Variants in PRKAA1 observed in about 807,000 individuals in gnomAD.
The protein encoded by PRKAA1 is protein kinase AMP-activated catalytic subunit alpha 1, also known as 5'-AMP-activated protein kinase catalytic subunit alpha-1.
In PRKAA1, 23 loss-of-function variants were observed where a neutral mutation model predicts 56.9. That is an observed-to-expected ratio of 0.40 (90% CI 0.29 to 0.57). The LOEUF (loss-of-function observed/expected upper bound fraction) is 0.57, where lower values mean the gene tolerates loss of function less well. Among genes scored for constraint, PRKAA1 ranks in the 20% least tolerant of loss-of-function variants. PRKAA1 has a pLI of 0.39. For synonymous variants in PRKAA1, 226 were observed against 227.0 expected (o/e 1.00, Z 0.04); for missense variants, 413 against 679.7 (o/e 0.61, Z 4.36).
rs1305431342 is a variant in PRKAA1 at position 40,774,569 on chromosome 5, T to G, written c.363+841A>C. Among the ~76,000 whole-genome samples the G allele has an allele frequency of 5.3e-5, 8 of 150,116 alleles. No individual in the cohort carries two copies. The South Asian group carries it at 8.4e-4, about 16-fold the overall frequency. On this transcript the variant is annotated intron_variant, in intron 3 of 8. Coordinates refer to ENST00000397128, the MANE Select transcript of PRKAA1 (RefSeq NM_006251.6). The stretch of plus-strand genomic sequence containing the variant: ...GCAGAATTTTTTTTTTTTTTTTTTT[T>G]TTGGTAAGGAGAAGCAGGAGTAAAG...
At chr5:40,797,967 A>T (rs1745015771) in intron 1 of PRKAA1, 96 bp downstream of exon 1, 1 of 1,518,970 alleles carries the variant, frequency 6.6e-7, no homozygotes. Context: ...CCTGGAAAGA[A>T]GGGACGCAGC....
chr5:40,762,720 T>G lies in PRKAA1; in HGVS notation c.*58A>C, dbSNP rs1388341553. On this transcript the variant is annotated 3_prime_UTR_variant, in exon 9 of 9. Transcript: ENST00000397128. ...TAACTTGATTACAAATGGAAGCATT[T>G]GGCTGTGACTTATTATGCATGCTTA... 34 of 1,588,990 alleles carry G rather than the reference T, an allele frequency of 2.1e-5. No individual in the cohort carries two copies. Among genetic ancestry groups the G allele is most frequent in the Non-Finnish European group, 2.8e-5 (33 of 1,164,330 alleles).
chr5:40,762,594 T>A lies in PRKAA1; in HGVS notation c.*184A>T. ...TACTGCACAATGAACAACAAAATGA[T>A]CTTAATTCATTTCTGCATATTAGGC... On this transcript the variant is annotated 3_prime_UTR_variant, in exon 9 of 9. Coordinates refer to ENST00000397128, the MANE Select transcript of PRKAA1 (RefSeq NM_006251.6). 1 of 690,814 alleles carries A rather than the reference T, an allele frequency of 1.4e-6. No homozygotes were observed. The allele number at this position is 690,814 out of a possible 1,614,324, so 42.8% of individuals were successfully genotyped here. A position where few individuals can be genotyped will look rare whatever the true frequency, so the allele number is the denominator to read the frequency against.
At chr5:40,785,756 T>A (rs1744441280) in intron 1 of PRKAA1, among the ~76,000 whole-genome samples, 1 of 151,798 alleles carries the variant, frequency 6.6e-6, no homozygotes, top group African/African-American at 2.4e-5. Context: ...GATTTGAAGA[T>A]GAAATCTTAC....
chr5:40,780,393 G>A (rs1184609499), intron 1 of PRKAA1, among the ~76,000 whole-genome samples: 1 of 152,134 alleles, frequency 6.6e-6, no homozygotes, highest in African/African-American at 2.4e-5. Context: ...TACCAAATCC[G>A]TATTAGTCAG....
chr5:40,790,765 C>A (rs1744687374), intron 1 of PRKAA1, among the ~76,000 whole-genome samples: 2 of 152,202 alleles, frequency 1.3e-5, no homozygotes, highest in African/African-American at 4.8e-5. Flanking sequence ...GTCTCAATAT[C>A]TTGAGCTCGT....
Position 40,769,470 on chromosome 5 carries a change from A to T in PRKAA1, c.542T>A (p.Leu181Ter). 1 of 1,611,280 alleles carries T rather than the reference A, an allele frequency of 6.2e-7. No homozygotes were observed. The highest frequency in any genetic ancestry group is 8.5e-7 in the Non-Finnish European group (1 of 1,178,400). Reference protein sequence around the residue: ...LSNMMSDGEFLRTSCGSPNYA... With the variant: ...LSNMMSDGEF ...GTTGGGTGAGCCACAACTTGTTCTT[A>T]AAAATTCACCATCTGACATCATGTT... The change falls in exon 5 of 9, where the codon TTA (leucine) becomes TAA (stop). Residue 181 changes from leucine to a stop codon, truncating the protein, a stop_gained. Transcript: ENST00000397128. LOFTEE classifies it high-confidence loss of function.
At chr5:40,786,672 G>A (rs1175952371) in intron 1 of PRKAA1, among the ~76,000 whole-genome samples, 1 of 151,354 alleles carries the variant, frequency 6.6e-6, no homozygotes, top group Non-Finnish European at 1.5e-5. Flanking sequence ...CAGGCATGGT[G>A]GCTCACGCCT....
At chr5:40,768,081 A>G (rs1441837459) in intron 5 of PRKAA1, among the ~76,000 whole-genome samples, 1 of 147,938 alleles carries the variant, frequency 6.8e-6, no homozygotes, top group Non-Finnish European at 1.5e-5. Context: ...CAATAACACA[A>G]GACCCCTTAC....
chr5:40,797,952 C>T lies in PRKAA1; in HGVS notation c.127+111G>A, dbSNP rs1745014538. Reference sequence around the variant, plus strand: ...CCGCAGGATCCGGGACAGGGGCTGCCCAGCCCTGGAAAGAAGGGACGCAGC... The same window carrying T: ...CCGCAGGATCCGGGACAGGGGCTGCTCAGCCCTGGAAAGAAGGGACGCAGC... On this transcript the variant is annotated intron_variant, in intron 1 of 8. Coordinates refer to ENST00000397128, the MANE Select transcript of PRKAA1 (RefSeq NM_006251.6). 7.3e-6 allele frequency: 11 copies of T among 1,508,338 alleles called. No homozygotes were observed. The Admixed American group carries it at 2.1e-4, about 28-fold the overall frequency. The allele number at this position is 1,508,338 out of a possible 1,614,324, so 93.4% of individuals were successfully genotyped here.
chr5:40,782,739 T>C (rs557644839), intron 1 of PRKAA1, among the ~76,000 whole-genome samples: 54 of 151,640 alleles, frequency 3.6e-4, no homozygotes, highest in African/African-American at 1.3e-3. Flanking sequence ...GAGGAGGAAA[T>C]TAGCAAAAAT....
In PRKAA1 at chr5:40,767,532, A is replaced by G; in HGVS notation, c.755T>C (p.Val252Ala). 1 of 1,613,868 alleles carries G rather than the reference A, an allele frequency of 6.2e-7. No homozygotes were observed. Among genetic ancestry groups the G allele is most frequent in the Non-Finnish European group, 8.5e-7 (1 of 1,179,834 alleles). Residue 252 changes from valine (V) to alanine (A), a missense_variant, in exon 6 of 9, where the codon GTG (valine) becomes GCG (alanine). Coordinates refer to ENST00000397128, the MANE Select transcript of PRKAA1 (RefSeq NM_006251.6). ...CAGCATATGTTTCAAAAGGCTAATC[A>G]CAGAAGGATTTAAATATTGAGGGGT... is the stretch of plus-strand genomic sequence containing the variant. ...FYTPQYLNPS[V>A]ISLLKHMLQV...
chr5:40,781,795 G>T (rs1242036642), intron 1 of PRKAA1, among the ~76,000 whole-genome samples: 2 of 152,082 alleles, frequency 1.3e-5, no homozygotes, highest in African/African-American at 2.4e-5. Flanking sequence ...AGGAGGATGG[G>T]GGTGTAGTAT....
At chr5:40,780,662 G>C (rs1744231426) in intron 1 of PRKAA1, among the ~76,000 whole-genome samples, 1 of 152,166 alleles carries the variant, frequency 6.6e-6, no homozygotes, top group South Asian at 2.1e-4. Flanking sequence ...CCAGGGGGCT[G>C]CTGGTGTATG....
rs142204180 is a variant in PRKAA1 at position 40,790,793 on chromosome 5, C to A, written c.127+7270G>T. On this transcript the variant is annotated intron_variant, in intron 1 of 8. Coordinates refer to ENST00000397128, the MANE Select transcript of PRKAA1 (RefSeq NM_006251.6). ...GAGCTCGTGATCTGCCCGCCTTAGC[C>A]TCCCAAAAGTGCTGGGATTACAGGC... Among the ~76,000 whole-genome samples, 737 of 152,312 alleles carry A rather than the reference C, an allele frequency of 4.8e-3. 43 individuals carry two copies. In the South Asian group the frequency reaches 0.11, roughly 23 times the overall value.
At position 40,777,593 on chromosome 5, in the gene PRKAA1, A is replaced by C; in HGVS notation, c.128-7T>G. 1 of 1,596,954 alleles carries C rather than the reference A, an allele frequency of 6.3e-7. No homozygotes were observed. Among genetic ancestry groups the C allele is most frequent in the Non-Finnish European group, 8.6e-7 (1 of 1,168,572 alleles). The stretch of plus-strand genomic sequence containing the variant: ...GTCAATTCATGTTTGCCAACTGTAA[A>C]AGAAGTAATTTAATAAATTAGTACT... On this transcript the variant is annotated splice_polypyrimidine_tract_variant and splice_region_variant and intron_variant, in intron 1 of 8. Coordinates refer to ENST00000397128, the MANE Select transcript of PRKAA1 (RefSeq NM_006251.6).
intron 1 of PRKAA1, among the ~76,000 whole-genome samples, chr5:40,788,110 T>C (rs1407892091): frequency 2.0e-5 from 3 of 152,218 alleles, no homozygotes; most frequent in Non-Finnish European, 4.4e-5. Flanking sequence ...CACACTACCA[T>C]GTTTGAAAAT....
intron 5 of PRKAA1, among the ~76,000 whole-genome samples, chr5:40,768,200 CAGACTAGTTAGATCACCCATTCAA>C (rs1342376233): frequency 1.3e-5 from 2 of 152,158 alleles, no homozygotes; most frequent in Non-Finnish European, 2.9e-5. Flanking sequence ...TAACTAGCTG[CAGACTAGTTAGATCACCCATTCAA>C]AGCCTGGATT....
chr5:40,770,972 A>T (rs868381539), intron 4 of PRKAA1, among the ~76,000 whole-genome samples: 1 of 152,042 alleles, frequency 6.6e-6, no homozygotes, highest in Non-Finnish European at 1.5e-5. Flanking sequence ...TTAAATTTTT[A>T]AATAAATTTT....
Sources: allele counts gnomAD v4.1 joint callset (sites outside exome capture counted in the v4.1 genomes callset), GRCh38; gene constraint gnomAD v4.1.1; transcripts MANE v1.5; gene names NCBI Gene and HGNC (gene_info 2026-07-23, HGNC 2026-07-21).